The following RFC3 variants were observed in gnomAD, a reference collection of about 807,000 sequenced individuals.
RFC3 encodes the protein A1 38 kDa subunit.
Under a neutral mutation model 45.1 loss-of-function variants are expected in RFC3, and 41 were observed. That is an observed-to-expected ratio of 0.91 (90% confidence interval 0.71 to 1.18). The LOEUF (loss-of-function observed/expected upper bound fraction) is 1.18. Ranked by LOEUF, RFC3 falls within the 50% of genes most tolerant of loss-of-function variation. The pLI is 0.00. For synonymous variants in RFC3, 149 were observed against 144.0 expected (o/e 1.03, Z -0.25); for missense variants, 423 against 428.1 (o/e 0.99, Z 0.10).
chr13:33,841,771 A>T (rs2082200511), downstream of RFC3, among the ~76,000 whole-genome samples: 1 of 152,004 alleles, frequency 6.6e-6, no homozygotes, highest in Non-Finnish European at 1.5e-5. Flanking sequence ...ACTTTTTTGG[A>T]GTAGGCCTGG....
chr13:33,852,299 T>C (rs977397669), intron 8 of RFC3, among the ~76,000 whole-genome samples: 2 of 152,204 alleles, frequency 1.3e-5, no homozygotes, highest in Non-Finnish European at 2.9e-5. Context: ...TCAGTGAACC[T>C]ACTTGACGTG....
intron 8 of RFC3, among the ~76,000 whole-genome samples, chr13:33,870,217 T>G (rs902385457): frequency 1.3e-5 from 2 of 152,230 alleles, no homozygotes; most frequent in Non-Finnish European, 2.9e-5. Context: ...GGCAAAGCAT[T>G]GCCTGGTTGT....
In RFC3 at chr13:33,836,281, G is replaced by A. The variant is rs564620451; in HGVS notation, c.1057G>A (p.Gly353Ser). The change falls in exon 9 of 9, where the codon GGC becomes AGC. Residue 353 changes from glycine (G) to serine (S), a missense_variant. Transcript: ENST00000380071. ...YKKFMEDGLE[G>S]MMF ...GAAGTTCATGGAGGATGGATTGGAA[G>A]GCATGATGTTCTGACTTCTGTCAGT... 1.9e-6 allele frequency: 3 copies of A among 1,612,860 alleles called. No homozygotes were observed. The highest frequency in any genetic ancestry group is 1.7e-5 in the Admixed American group (1 of 59,974).
At position 33,948,050 on chromosome 13, in the gene RFC3, A is replaced by T. The variant is rs144992699; in HGVS notation, c.880-18037A>T. On this transcript the variant is annotated intron_variant, in intron 8 of 8. Transcript: ENST00000434425. ...AATGAGGAGTGAAATGTTAATCACC[A>T]AGACAATGGGGAAAATGTCTCCAGG... Among the ~76,000 whole-genome samples the T allele has an allele frequency of 2.5e-3, 386 of 152,336 alleles. 4 individuals carry two copies. Among genetic ancestry groups the T allele is most frequent in the African/African-American group, 8.7e-3 (361 of 41,586 alleles).
chr13:33,855,433 G>A (rs1272123010), intron 8 of RFC3, among the ~76,000 whole-genome samples: 1 of 152,140 alleles, frequency 6.6e-6, no homozygotes, highest in African/African-American at 2.4e-5. Flanking sequence ...TAGTGCTGCA[G>A]TGAACGTATG....
At chr13:33,876,214 A>T (rs912616804) in intron 8 of RFC3, among the ~76,000 whole-genome samples, 1 of 152,178 alleles carries the variant, frequency 6.6e-6, no homozygotes, top group African/African-American at 2.4e-5. Flanking sequence ...CAGCATATTC[A>T]AACAGTTTAA....
At chr13:33,974,345 G>T in the RFC3 span, among the ~76,000 whole-genome samples, 1 of 152,144 alleles carries the variant, frequency 6.6e-6, no homozygotes, top group East Asian at 1.9e-4. Context: ...CTTTGATTGT[G>T]TGTGGACACA....
At chr13:33,929,805 T>C (rs973131966) in intron 8 of RFC3, among the ~76,000 whole-genome samples, 4 of 152,116 alleles carry the variant, frequency 2.6e-5, no homozygotes, top group Non-Finnish European at 5.9e-5. Context: ...AATTGGATTA[T>C]TTCCAATTTA....
At chr13:33,918,182 C>G (rs1194816181) in intron 8 of RFC3, among the ~76,000 whole-genome samples, 2 of 152,228 alleles carry the variant, frequency 1.3e-5, no homozygotes, top group Non-Finnish European at 2.9e-5. Flanking sequence ...TTCTGCCTCT[C>G]AAGGCAATAC....
chr13:33,927,229 G>A (rs193026157), intron 8 of RFC3, among the ~76,000 whole-genome samples: 12 of 144,058 alleles, frequency 8.3e-5, no homozygotes, highest in Non-Finnish European at 1.3e-4. Flanking sequence ...GCTTTTTAAA[G>A]CAGTTAAAAA....
intron 4 of RFC3, among the ~76,000 whole-genome samples, chr13:33,826,445 C>G (rs1246426650): frequency 6.6e-6 from 1 of 152,100 alleles, no homozygotes; most frequent in Admixed American, 6.6e-5. Flanking sequence ...TTGTTTTAAT[C>G]TTTGTCAGTT....
At chr13:33,892,469 G>T (rs1379940670) in intron 8 of RFC3, among the ~76,000 whole-genome samples, 1 of 152,046 alleles carries the variant, frequency 6.6e-6, no homozygotes, top group Non-Finnish European at 1.5e-5. Flanking sequence ...CTGGGTATTG[G>T]TGCCGTCTCA....
At chr13:33,944,847 G>A (rs1251060909) in intron 8 of RFC3, among the ~76,000 whole-genome samples, 1 of 152,046 alleles carries the variant, frequency 6.6e-6, no homozygotes, top group African/African-American at 2.4e-5. Context: ...GGGGGCAAAT[G>A]CAACAGCAAC....
In RFC3 at chr13:33,836,463, C is replaced by T. The variant is rs2082156023; in HGVS notation, c.*168C>T. ...TCATCCTCTGAGTTAAATAATTGCT[C>T]CTATACTATTGAAGTATGTAGTTTT... On this transcript the variant is annotated 3_prime_UTR_variant, in exon 9 of 9. Transcript: ENST00000380071. 1 of 1,408,834 alleles carries T rather than the reference C, an allele frequency of 7.1e-7. No individual in the cohort carries two copies. The highest frequency in any genetic ancestry group is 2.8e-5 in the Admixed American group (1 of 35,228). The allele number at this position is 1,408,834 out of a possible 1,614,324, so 87.3% of individuals were successfully genotyped here. A position where few individuals can be genotyped will look rare whatever the true frequency, so the allele number is the denominator to read the frequency against.
At chr13:33,899,204 CAAAAAAAA>C (rs59221382) in intron 8 of RFC3, among the ~76,000 whole-genome samples, 30 of 51,972 alleles carry the variant, frequency 5.8e-4, no homozygotes, top group African/African-American at 1.6e-3. Context: ...CACAATAAGA[CAAAAAAAA>C]AAAAAAAAAA....
the RFC3 span, among the ~76,000 whole-genome samples, chr13:33,976,115 G>A: frequency 6.6e-6 from 1 of 152,160 alleles, no homozygotes; most frequent in South Asian, 2.1e-4. Flanking sequence ...AAGAACGTAG[G>A]AAGTAACTGA....
chr13:33,878,817 C>A (rs980169308), intron 8 of RFC3, among the ~76,000 whole-genome samples: 2 of 152,078 alleles, frequency 1.3e-5, no homozygotes, highest in African/African-American at 4.8e-5. Context: ...CTGTCAAAAC[C>A]TTTTCTTTGT....
intron 8 of RFC3, among the ~76,000 whole-genome samples, chr13:33,959,034 A>T (rs1426254160): frequency 6.6e-6 from 1 of 152,224 alleles, no homozygotes; most frequent in Non-Finnish European, 1.5e-5. Flanking sequence ...TACAAGAAAG[A>T]CATAAGATTC....
intron 8 of RFC3, among the ~76,000 whole-genome samples, chr13:33,880,142 G>C (rs1175694774): frequency 6.6e-6 from 1 of 152,078 alleles, no homozygotes; most frequent in African/African-American, 2.4e-5. Context: ...CTATTTATAG[G>C]TTCTGAGGAT....
Sources: gnomAD v4.1 joint callset for allele counts (sites outside exome capture counted in the v4.1 genomes callset) on GRCh38, gnomAD v4.1.1 for gene constraint, MANE v1.5 for transcripts, NCBI Gene and HGNC (gene_info 2026-07-23, HGNC 2026-07-21) for gene names.